CNTNAP5: variants seen among roughly 807,000 people sequenced by gnomAD.
The protein encoded by CNTNAP5 is contactin-associated protein-like 5.
CNTNAP5 carries 72 observed loss-of-function variants against 150.2 expected under a neutral mutation model. That is an observed-to-expected ratio of 0.48 (90% CI 0.40 to 0.58). CNTNAP5 has a LOEUF of 0.58. CNTNAP5 is among the 20% of genes least tolerant of loss of function. The pLI is 0.00. For missense variants in CNTNAP5, 1,636 were observed against 1,626.2 expected (o/e 1.01, Z -0.10); for synonymous variants, 672 against 619.8 (o/e 1.08, Z -1.25).
At chr2:124,846,087 G>A (rs1203093203) in intron 19 of CNTNAP5, among the ~76,000 whole-genome samples, 1 of 151,860 alleles carries the variant, frequency 6.6e-6, no homozygotes, top group Non-Finnish European at 1.5e-5. Context: ...GTTCCATGAG[G>A]TGTGACCTTA....
At chr2:124,860,494 TC>T (rs869075279) in intron 19 of CNTNAP5, among the ~76,000 whole-genome samples, 1,670 of 110,246 alleles carry the variant, frequency 0.015, 83 homozygotes, top group East Asian at 0.045. Flanking sequence ...CTTCCTTCCT[TC>T]CTTCCTTCTT....
chr2:124,687,554 G>C (rs1366440245), intron 13 of CNTNAP5, among the ~76,000 whole-genome samples: 2 of 151,846 alleles, frequency 1.3e-5, no homozygotes, highest in Non-Finnish European at 2.9e-5. Context: ...TCTCTTGAGT[G>C]CTTGGAGAAT....
chr2:124,823,874 A>T (rs1372136646), intron 19 of CNTNAP5, among the ~76,000 whole-genome samples: 1 of 151,868 alleles, frequency 6.6e-6, no homozygotes, highest in Non-Finnish European at 1.5e-5. Context: ...TGCAGTTGCT[A>T]ACTGCAACAT....
At chr2:124,107,739 A>G (rs1350026421) in intron 1 of CNTNAP5, among the ~76,000 whole-genome samples, 2 of 152,198 alleles carry the variant, frequency 1.3e-5, no homozygotes, top group African/African-American at 4.8e-5. Context: ...ACCAATTTAG[A>G]AAGTTTATTT....
At chr2:124,419,313 A>G (rs1221153987) in intron 4 of CNTNAP5, among the ~76,000 whole-genome samples, 4 of 151,928 alleles carry the variant, frequency 2.6e-5, no homozygotes, top group Non-Finnish European at 5.9e-5. Flanking sequence ...TTTCATGCCA[A>G]TTGTTCACCC....
chr2:124,147,171 A>G (rs1573790353), intron 1 of CNTNAP5, among the ~76,000 whole-genome samples: 1 of 152,216 alleles, frequency 6.6e-6, no homozygotes, highest in Admixed American at 6.5e-5. Flanking sequence ...TGAGGAGTGT[A>G]GCATTTGAAT....
chr2:124,601,983 G>C (rs12711682), intron 11 of CNTNAP5, among the ~76,000 whole-genome samples: 2 of 152,032 alleles, frequency 1.3e-5, no homozygotes, highest in Admixed American at 1.3e-4. Flanking sequence ...TCAATATCCC[G>C]TATTACAGCA....
At chr2:124,665,779 A>G (rs1258318080) in intron 13 of CNTNAP5, among the ~76,000 whole-genome samples, 2 of 151,948 alleles carry the variant, frequency 1.3e-5, no homozygotes, top group Non-Finnish European at 2.9e-5. Context: ...CCAGCTGCTT[A>G]GGAGGCTGAG....
At chr2:124,103,921 G>T (rs2104699201) in intron 1 of CNTNAP5, among the ~76,000 whole-genome samples, 1 of 145,542 alleles carries the variant, frequency 6.9e-6, no homozygotes, top group South Asian at 2.1e-4. Context: ...TTTCTATATA[G>T]ATTATATATT....
intron 19 of CNTNAP5, among the ~76,000 whole-genome samples, chr2:124,854,411 T>G (rs1677301694): frequency 6.6e-6 from 1 of 152,218 alleles, no homozygotes; most frequent in Admixed American, 6.5e-5. Flanking sequence ...AAAATTCCAT[T>G]TTTTAATCTG....
intron 13 of CNTNAP5, among the ~76,000 whole-genome samples, chr2:124,675,604 C>T (rs11883484): frequency 0.028 from 4,246 of 152,128 alleles, 193 homozygotes; most frequent in African/African-American, 0.097. Context: ...CAATTTCAAT[C>T]GTATACAAAA....
rs1188899696 is a variant in CNTNAP5 at position 124,713,325 on chromosome 2, T to C, written c.2078-33904T>C. Among the ~76,000 whole-genome samples the C allele has an allele frequency of 7.9e-3, 459 of 58,036 alleles. 21 individuals carry two copies. The highest frequency in any genetic ancestry group is 0.014 in the South Asian group (18 of 1,304). 38.1% of individuals were successfully genotyped at this position (58,036 alleles called of 152,430 possible). A position where few individuals can be genotyped will look rare whatever the true frequency, so the allele number is the denominator to read the frequency against. Reference sequence around the variant, plus strand: ...TCTTCTTTCTCTTTCTTTCCTTTCTTTCTTTCTTTCTTTCTTTCTTTCTTT... The same window carrying C: ...TCTTCTTTCTCTTTCTTTCCTTTCTCTCTTTCTTTCTTTCTTTCTTTCTTT... On this transcript the variant is annotated intron_variant, in intron 13 of 23. Coordinates refer to ENST00000682447, the MANE Select transcript of CNTNAP5 (RefSeq NM_001367498.1).
intron 14 of CNTNAP5, among the ~76,000 whole-genome samples, chr2:124,751,074 G>A (rs182810519): frequency 1.6e-3 from 250 of 152,036 alleles, no homozygotes; most frequent in Middle Eastern, 0.01. Context: ...AAAATCTGGC[G>A]AGAGAAATAA....
intron 6 of CNTNAP5, among the ~76,000 whole-genome samples, chr2:124,454,816 A>G (rs1693076426): frequency 6.6e-6 from 1 of 152,166 alleles, no homozygotes; most frequent in East Asian, 1.9e-4. Context: ...TGAAATCAAG[A>G]TGAAAATTAA....
At chr2:124,348,927 A>G (rs998179670) in intron 3 of CNTNAP5, among the ~76,000 whole-genome samples, 1 of 152,150 alleles carries the variant, frequency 6.6e-6, no homozygotes, top group East Asian at 1.9e-4. Flanking sequence ...GTATATAAAT[A>G]CATATATAAC....
chr2:124,771,024 G>T (rs1310009876), intron 16 of CNTNAP5, among the ~76,000 whole-genome samples: 2 of 151,962 alleles, frequency 1.3e-5, no homozygotes, highest in Non-Finnish European at 2.9e-5. Flanking sequence ...TTTCCTTTAG[G>T]CCAGGGCTCG....
intron 1 of CNTNAP5, among the ~76,000 whole-genome samples, chr2:124,171,877 G>A (rs572964677): frequency 2.6e-5 from 4 of 152,228 alleles, no homozygotes; most frequent in South Asian, 2.1e-4. Context: ...AGTCTCTTTC[G>A]GCCAGCTTAT....
chr2:124,515,877 A>G (rs1014263094), intron 8 of CNTNAP5, among the ~76,000 whole-genome samples: 1 of 152,194 alleles, frequency 6.6e-6, no homozygotes, highest in Admixed American at 6.5e-5. Flanking sequence ...AGATTGTCCA[A>G]CTAAGCAGTG....
chr2:124,056,889 G>A (rs1681863943), intron 1 of CNTNAP5, among the ~76,000 whole-genome samples: 1 of 152,104 alleles, frequency 6.6e-6, no homozygotes, highest in Admixed American at 6.5e-5. Context: ...TTCTTCCTCT[G>A]CTTTTCTGGT....
Sources: allele counts gnomAD v4.1 joint callset (sites outside exome capture counted in the v4.1 genomes callset), GRCh38; gene constraint gnomAD v4.1.1; transcripts MANE v1.5; gene names NCBI Gene and HGNC (gene_info 2026-07-23, HGNC 2026-07-21).